Variants in FAT3 observed in about 807,000 individuals in gnomAD.
The protein encoded by FAT3 is protocadherin Fat 3.
FAT3 carries 95 observed loss-of-function variants against 310.2 expected under a neutral mutation model. The ratio of observed to expected loss-of-function variants is 0.31; its 90% CI spans 0.26 to 0.36. The LOEUF (loss-of-function observed/expected upper bound fraction) is 0.36, where lower values mean the gene tolerates loss of function less well. FAT3 is among the 10% of genes least tolerant of loss of function. The pLI is 1.00. For missense variants in FAT3, 5,408 were observed against 5,715.6 expected, an observed-to-expected ratio of 0.95 and a Z score of 1.74; for synonymous variants, 2,314 against 2,192.9, an observed-to-expected ratio of 1.06 and a Z score of -1.54.
At chr11:92,602,239 A>G (rs1940065145) in intron 3 of FAT3, among the ~76,000 whole-genome samples, 1 of 151,802 alleles carries the variant, frequency 6.6e-6, no homozygotes, top group Admixed American at 6.6e-5. Context: ...ACGCCCGGCT[A>G]ATTTTTGTAT....
intron 1 of FAT3, among the ~76,000 whole-genome samples, chr11:92,287,115 T>C (rs1029411318): frequency 2.0e-5 from 3 of 152,164 alleles, no homozygotes; most frequent in African/African-American, 7.2e-5. Context: ...GTATTTTAAG[T>C]GCTTTGCAGG....
chr11:92,700,600 C>T (rs1418021042), intron 4 of FAT3, among the ~76,000 whole-genome samples: 3 of 152,164 alleles, frequency 2.0e-5, no homozygotes, highest in Non-Finnish European at 4.4e-5. Context: ...AGCAACAGCA[C>T]ACTGGCTTTT....
intron 1 of FAT3, among the ~76,000 whole-genome samples, chr11:92,231,810 T>TG (rs923507324): frequency 6.6e-6 from 1 of 152,036 alleles, no homozygotes; most frequent in African/African-American, 2.4e-5. Flanking sequence ...TCAGGGTTTT[T>TG]TTTTTTTGTC....
chr11:92,652,502 C>T (rs1179715144), intron 3 of FAT3, among the ~76,000 whole-genome samples: 1 of 152,156 alleles, frequency 6.6e-6, no homozygotes, highest in African/African-American at 2.4e-5. Flanking sequence ...GTCCTGTGTT[C>T]CTCAGAGCTA....
At position 92,800,066 on chromosome 11, in the gene FAT3, G is replaced by T. The variant is rs201712703; in HGVS notation, c.7053G>T (p.Met2351Ile). The change falls in exon 10 of 28, where the codon ATG becomes ATT. Residue 2351 changes from methionine (M) to isoleucine (I), a missense_variant. By Grantham distance (10) the Met-to-Ile change is conservative. Transcript: ENST00000525166. ...SSSGLILTARMLDHELVQHCT... is the reference protein window; with the variant it reads ...SSSGLILTARILDHELVQHCT... ...GTGGCTTAATCCTGACAGCACGAAT[G>T]CTGGACCATGAGTTAGTACAACACT... 415 of 1,613,868 alleles carry T rather than the reference G, an allele frequency of 2.6e-4. No individual in the cohort carries two copies. Among genetic ancestry groups the T allele is most frequent in the Non-Finnish European group, 3.5e-4 (409 of 1,179,880 alleles).
intron 3 of FAT3, among the ~76,000 whole-genome samples, chr11:92,568,626 T>C (rs1248772572): frequency 6.6e-6 from 1 of 152,186 alleles, no homozygotes; most frequent in African/African-American, 2.4e-5. Context: ...ATTCCATTGC[T>C]AACAGAATAA....
Position 92,513,009 on chromosome 11 carries a change from C to G in FAT3, c.3293-11625C>G, listed in dbSNP as rs1419472939. Among the ~76,000 whole-genome samples, 2 of 97,722 alleles carry G rather than the reference C, an allele frequency of 2.0e-5. 1 individual carries two copies. Among genetic ancestry groups the G allele is most frequent in the Non-Finnish European group, 3.9e-5 (2 of 50,928 alleles). The allele number at this position is 97,722 out of a possible 152,430, so 64.1% of individuals were successfully genotyped here. A position where few individuals can be genotyped will look rare whatever the true frequency, so the allele number is the denominator to read the frequency against. On this transcript the variant is annotated intron_variant, in intron 2 of 27. Transcript: ENST00000525166. ...TGGTAGCGGGCGCCTGTAGTCCCAG[C>G]TACTCGGGAGGCTGAGGCAGGAGAA...
At position 92,894,185 on chromosome 11, in the gene FAT3, C is replaced by G. The variant is rs976764388; in HGVS notation, c.*3072C>G. The G allele has an allele frequency of 3.3e-5, 5 of 152,128 alleles. No individual in the cohort carries two copies. Among genetic ancestry groups the G allele is most frequent in the Non-Finnish European group, 7.4e-5 (5 of 68,010 alleles). 9.4% of individuals were successfully genotyped at this position (152,128 alleles called of 1,614,324 possible). On this transcript the variant is annotated 3_prime_UTR_variant, in exon 28 of 28. Coordinates refer to ENST00000525166, the MANE Select transcript of FAT3 (RefSeq NM_001367949.2). ...GATCTTATGTTTCCTTGCAGTCCCC[C>G]TAGGGAGAGGGGTTATAGAATTCAT...
intron 4 of FAT3, among the ~76,000 whole-genome samples, chr11:92,740,858 T>C (rs1237220791): frequency 6.6e-6 from 1 of 152,206 alleles, no homozygotes; most frequent in Non-Finnish European, 1.5e-5. Flanking sequence ...TTATATTTTA[T>C]ATTTGTGATT....
intron 12 of FAT3, among the ~76,000 whole-genome samples, chr11:92,809,321 C>G (rs1227999828): frequency 6.6e-6 from 1 of 152,210 alleles, no homozygotes; most frequent in Non-Finnish European, 1.5e-5. Context: ...CAAGACCCTG[C>G]CCCGCTAAAG....
intron 2 of FAT3, among the ~76,000 whole-genome samples, chr11:92,362,363 G>A (rs1278643002): frequency 6.6e-6 from 1 of 152,160 alleles, no homozygotes; most frequent in Non-Finnish European, 1.5e-5. Context: ...TCAGAGTTGG[G>A]CTAACTCTCT....
chr11:92,864,531 C>T (rs559171827), intron 21 of FAT3, among the ~76,000 whole-genome samples: 3 of 152,246 alleles, frequency 2.0e-5, no homozygotes, highest in African/African-American at 4.8e-5. Flanking sequence ...TAAGATTACA[C>T]GTGAGGCTGA....
At chr11:92,733,269 G>T (rs978653238) in intron 4 of FAT3, among the ~76,000 whole-genome samples, 2 of 152,108 alleles carry the variant, frequency 1.3e-5, no homozygotes, top group African/African-American at 2.4e-5. Context: ...TGGAAGGTTT[G>T]GGGGAAGACT....
rs747161248 is a variant in FAT3, at chr11:92,801,420, A to G, written c.8407A>G (p.Lys2803Glu). 6.2e-7 allele frequency: 1 copy of G among 1,613,922 alleles called. No homozygotes were observed. Among genetic ancestry groups the G allele is most frequent in the East Asian group, 2.2e-5 (1 of 44,850 alleles). ...TGTGTTTACTGTGGATGTAGATATC[A>G]AGGTATTGGATTTGAATGACAACAA... ...DIVFTVDVDIKVLDLNDNKPV... is the reference protein window; with the variant it reads ...DIVFTVDVDIEVLDLNDNKPV... Residue 2803 changes from lysine (K) to glutamate (E), a missense_variant, in exon 10 of 28, where the codon AAG becomes GAG. By Grantham distance (56) the Lys-to-Glu change is moderately conservative. This residue lies in a region of FAT3 where 4,588 missense variants were observed against 4,809.8 expected (regional missense o/e 0.95). Transcript: ENST00000525166.
At chr11:92,851,915 G>A (rs766931183) in intron 19 of FAT3, among the ~76,000 whole-genome samples, 4 of 151,992 alleles carry the variant, frequency 2.6e-5, no homozygotes, top group Non-Finnish European at 4.4e-5. Flanking sequence ...CAGAGAGGGG[G>A]TCTTTAAGGC....
intron 2 of FAT3, among the ~76,000 whole-genome samples, chr11:92,507,563 C>T (rs1052102776): frequency 1.3e-5 from 2 of 151,238 alleles, no homozygotes; most frequent in African/African-American, 4.9e-5. Context: ...TATATATATA[C>T]ACACACATAT....
At chr11:92,487,872 A>G (rs1952467018) in intron 2 of FAT3, among the ~76,000 whole-genome samples, 1 of 152,190 alleles carries the variant, frequency 6.6e-6, no homozygotes, top group Admixed American at 6.5e-5. Context: ...GACTTGCCAA[A>G]CACAGGGTAC....
rs527831381 is a variant in FAT3, at chr11:92,695,187, T to A, written c.3608-2197T>A. On this transcript the variant is annotated intron_variant, in intron 3 of 27. Transcript: ENST00000525166. ...GCCTGTCTGGTCAGAAGAAGTAAGG[T>A]CAATAAAAAGTCACAGTGAGATTCA... Among the ~76,000 whole-genome samples, 6 of 152,136 alleles carry A rather than the reference T, an allele frequency of 3.9e-5. 1 individual carries two copies. The highest frequency in any genetic ancestry group is 6.8e-3 in the Middle Eastern group (2 of 294).
chr11:92,271,690 C>A (rs1302978546), intron 1 of FAT3, among the ~76,000 whole-genome samples: 1 of 152,062 alleles, frequency 6.6e-6, no homozygotes, highest in Non-Finnish European at 1.5e-5. Context: ...TTTGTCTCTT[C>A]CCTTCTGTAG....
Sources: gnomAD v4.1 joint callset for allele counts (sites outside exome capture counted in the v4.1 genomes callset) on GRCh38, gnomAD v4.1.1 for gene constraint, gnomAD v4.1.1 regional missense constraint, MANE v1.5 for transcripts, NCBI Gene and HGNC (gene_info 2026-07-23, HGNC 2026-07-21) for gene names.